Variants in COL3A1 observed in about 807,000 individuals in gnomAD.
COL3A1 encodes collagen type III alpha 1 chain.
In COL3A1, 46 loss-of-function variants were observed where a neutral mutation model predicts 200.9. The observed-to-expected ratio is 0.23, with a 90% CI of 0.18 to 0.29. The LOEUF (loss-of-function observed/expected upper bound fraction) is 0.29, where lower values mean the gene tolerates loss of function less well. COL3A1 is among the 10% of genes least tolerant of loss of function. COL3A1 has a pLI of 1.00. For missense variants in COL3A1, 1,367 were observed against 1,917.6 expected, an observed-to-expected ratio of 0.71 and a Z score of 5.36; for synonymous variants, 650 against 628.0, an observed-to-expected ratio of 1.03 and a Z score of -0.52.
rs778497667 is a variant in COL3A1 at position 188,991,700 on chromosome 2, G to A, written c.929G>A (p.Arg310Gln). 18 of 1,613,764 alleles carry A rather than the reference G, an allele frequency of 1.1e-5. No individual in the cohort carries two copies. The highest frequency in any genetic ancestry group is 5.3e-5 in the African/African-American group (4 of 74,858). Residue 310 changes from arginine to glutamine, a missense_variant, in exon 13 of 51, where the codon CGG becomes CAG. By Grantham distance (43) the Arg-to-Gln change is conservative (BLOSUM62 1). Coordinates refer to ENST00000304636, the MANE Select transcript of COL3A1 (RefSeq NM_000090.4). Reference sequence around the variant, plus strand: ...AGAGGGGCTCCTGGTGAGCGAGGACGGCCAGGACTTCCTGGGGCTGCAGTG... The same window carrying A: ...AGAGGGGCTCCTGGTGAGCGAGGACAGCCAGGACTTCCTGGGGCTGCAGTG... Reference protein sequence around the residue: ...GPRGAPGERGRPGLPGAAGAR... With the variant: ...GPRGAPGERGQPGLPGAAGAR...
intron 1 of COL3A1, among the ~76,000 whole-genome samples, chr2:188,984,312 A>G (rs1472916376): frequency 6.6e-6 from 1 of 151,958 alleles, no homozygotes. Context: ...GAATTTCTCA[A>G]CTAGGTTGAT....
At position 188,999,581 on chromosome 2, in the gene COL3A1, T is replaced by C. The variant is rs765523758; in HGVS notation, c.2229+4T>C. 9 of 1,612,014 alleles carry C rather than the reference T, an allele frequency of 5.6e-6. No homozygotes were observed. The South Asian group carries it at 9.9e-5, about 18-fold the overall frequency. ...TCCTGGTCCAAAGGGTGACAAGGTG[T>C]TGACTTGTTTTCTCTTAATTGTTCA... On this transcript the variant is annotated splice_donor_region_variant and intron_variant, in intron 31 of 50. Transcript: ENST00000304636.
In COL3A1 at chr2:188,999,494, C is replaced by G; in HGVS notation, c.2146C>G (p.Pro716Ala). The change falls in exon 31 of 51, where the codon CCT becomes GCT. Residue 716 changes from proline to alanine, a missense_variant. Pro to Ala is a conservative substitution (Grantham distance 27). Coordinates refer to ENST00000304636, the MANE Select transcript of COL3A1 (RefSeq NM_000090.4). Reference protein sequence around the residue: ...GKGAAGPPGPPGAAGTPGLQG... With the variant: ...GKGAAGPPGPAGAAGTPGLQG... Reference sequence around the variant, plus strand: ...GGGTGCTGCTGGTCCTCCTGGGCCACCTGGTGCTGCTGGTACTCCTGGTCT... The same window carrying G: ...GGGTGCTGCTGGTCCTCCTGGGCCAGCTGGTGCTGCTGGTACTCCTGGTCT... 6.2e-7 allele frequency: 1 copy of G among 1,614,100 alleles called. No individual in the cohort carries two copies. The highest frequency in any genetic ancestry group is 8.5e-7 in the Non-Finnish European group (1 of 1,180,030).
rs1385895806 is a variant in COL3A1, at chr2:188,993,374, C to T, written c.1064C>T (p.Pro355Leu). ...TTTTACCATTAGGGTGAAGTTGGAC[C>T]TGCAGGGTCTCCTGGTTCAAATGGT... ...GSPGAKGEVG[P>L]AGSPGSNGAP... Residue 355 changes from proline (P) to leucine (L), a missense_variant, in exon 16 of 51, where the codon CCT becomes CTT. Around this residue, in one of 5 missense-constraint regions of COL3A1, gnomAD observed 462 missense variants for 681.4 expected, o/e 0.68. Transcript: ENST00000304636. The T allele has an allele frequency of 1.1e-5, 18 of 1,569,922 alleles. No homozygotes were observed. Among genetic ancestry groups the T allele is most frequent in the Non-Finnish European group, 1.3e-5 (15 of 1,156,252 alleles).
rs1688346156 is a variant in COL3A1 at position 188,997,152 on chromosome 2, ACTT to A, written c.1762-6_1762-4del. The A allele has an allele frequency of 1.2e-6, 2 of 1,613,090 alleles. No individual in the cohort carries two copies. Among genetic ancestry groups the A allele is most frequent in the East Asian group, 2.2e-5 (1 of 44,814 alleles). ...CTTTGAGGATTAGTAAATACCGACC[ACTT>A]CTTCTTTAGGGTGCTCCTGGTAAGA... is the stretch of plus-strand genomic sequence containing the variant. On this transcript the variant is annotated splice_polypyrimidine_tract_variant and intron_variant, in intron 24 of 50. Coordinates refer to ENST00000304636, the MANE Select transcript of COL3A1 (RefSeq NM_000090.4).
chr2:188,997,731 C>T lies in COL3A1; in HGVS notation c.1901C>T (p.Pro634Leu). The T allele has an allele frequency of 6.2e-7, 1 of 1,613,898 alleles. No homozygotes were observed. The highest frequency in any genetic ancestry group is 8.5e-7 in the Non-Finnish European group (1 of 1,179,888). The change falls in exon 27 of 51, where the codon CCC becomes CTC. Residue 634 changes from proline (P) to leucine (L), a missense_variant. By Grantham distance (98) the Pro-to-Leu change is moderately conservative. Transcript: ENST00000304636. ...GPGGDKGDTG[P>L]PGPQGLQGLP... ...GGTGGTGACAAAGGAGACACAGGAC[C>T]CCCTGGTCCACAAGGATTACAAGTA...
Position 189,011,745 on chromosome 2 carries a change from G to A in COL3A1, c.4372G>A (p.Val1458Met), listed in dbSNP as rs751427069. ...TGGTGGTCCTGATCAAGAATTTGGTGTGGACGTTGGCCCTGTTTGCTTTTT... is the reference window on the plus strand; with the variant it reads ...TGGTGGTCCTGATCAAGAATTTGGTATGGACGTTGGCCCTGTTTGCTTTTT... ...DIGGPDQEFG[V>M]DVGPVCFL is the part of the protein sequence containing the mutation. Residue 1458 changes from valine to methionine, a missense_variant, in exon 51 of 51, where the codon GTG becomes ATG. This residue lies in a region of COL3A1 where 846 missense variants were observed against 1,147.9 expected (regional missense o/e 0.74). Transcript: ENST00000304636. 4 of 1,613,964 alleles carry A rather than the reference G, an allele frequency of 2.5e-6. No individual in the cohort carries two copies. The Admixed American group carries it at 5.0e-5, about 20-fold the overall frequency.
intron 1 of COL3A1, chr2:188,978,079 T>C: frequency 2.4e-6 from 1 of 414,986 alleles, no homozygotes; most frequent in Non-Finnish European, 4.8e-6. Context: ...AATTTGGATT[T>C]TCAAAACTAC....
At chr2:188,992,305 A>G in intron 14 of COL3A1, 77 bp downstream of exon 14, 2 of 1,238,832 alleles carry the variant, frequency 1.6e-6, no homozygotes, top group Non-Finnish European at 2.4e-6. Flanking sequence ...TATTTTATAT[A>G]TGTATATACT....
At chr2:189,001,328 TTC>T (rs1191901466) in intron 32 of COL3A1, 67 bp from the exon 33 acceptor site, 45 of 1,455,220 alleles carry the variant, frequency 3.1e-5, no homozygotes, top group Admixed American at 5.1e-5. Context: ...TCTATATACT[TTC>T]TGTTTGATTA....
intron 7 of COL3A1, 27 bp downstream of exon 7, chr2:188,988,670 G>A (rs768871160): frequency 1.3e-5 from 20 of 1,522,240 alleles, no homozygotes; most frequent in Non-Finnish European, 1.7e-5. Flanking sequence ...TTTATATTTA[G>A]TAAGTCGATA....
chr2:188,978,581 T>C (rs1008163590), intron 1 of COL3A1, among the ~76,000 whole-genome samples: 13 of 152,066 alleles, frequency 8.5e-5, no homozygotes, highest in Middle Eastern at 3.4e-3. Flanking sequence ...GTGATTAAAG[T>C]AGATTGCTTA....
chr2:189,010,467 T>C, intron 49 of COL3A1, 102 bp downstream of exon 49: 1 of 1,512,064 alleles, frequency 6.6e-7, no homozygotes. Flanking sequence ...GGTACAAACA[T>C]AATTGCAGTT....
Position 188,988,637 on chromosome 2 carries a change from T to C in COL3A1, c.630T>C (p.Gly210=), listed in dbSNP as rs1414233939. The C allele has an allele frequency of 3.1e-6, 5 of 1,604,260 alleles. No individual in the cohort carries two copies. The East Asian group carries it at 1.1e-4, about 36-fold the overall frequency. ...CCCCTGGTGAACCTGGGCAAGCTGG[T>C]CCTTCAGTAAGTAACAATTAAATTT... ...QGPPGEPGQA[G]PSGPPGPPGA... The change falls in exon 7 of 51, where the codon GGT becomes GGC. Residue 210 remains glycine, a synonymous_variant. Coordinates refer to ENST00000304636, the MANE Select transcript of COL3A1 (RefSeq NM_000090.4).
chr2:188,976,086 C>T, intron 1 of COL3A1, among the ~76,000 whole-genome samples: 1 of 151,984 alleles, frequency 6.6e-6, no homozygotes, highest in East Asian at 1.9e-4. Context: ...TCCTCCCTAT[C>T]CTGCTCTTCC....
intron 1 of COL3A1, among the ~76,000 whole-genome samples, chr2:188,979,015 T>G (rs1687891894): frequency 6.6e-6 from 1 of 151,780 alleles, no homozygotes; most frequent in Non-Finnish European, 1.5e-5. Flanking sequence ...ATGACTGAGG[T>G]CAAGCACTGC....
chr2:188,982,830 A>G (rs1172982156), intron 1 of COL3A1, among the ~76,000 whole-genome samples: 3 of 151,886 alleles, frequency 2.0e-5, no homozygotes, highest in African/African-American at 7.2e-5. Flanking sequence ...ACAGTGTTCC[A>G]TGTAATTTTA....
rs1336356273 is a variant in COL3A1, at chr2:188,985,738, G to A, written c.407G>A (p.Gly136Asp). The A allele has an allele frequency of 6.2e-7, 1 of 1,611,510 alleles. No individual in the cohort carries two copies. The highest frequency in any genetic ancestry group is 1.1e-5 in the South Asian group (1 of 90,976). ...PGQPGSPGSP[G>D]PPGICESCPT... ...CAACCAGGGTCCCCTGGTTCTCCTG[G>A]CCCCCCTGGAATCTGTGAATCATGC... Residue 136 changes from glycine (G) to aspartate (D), a missense_variant, in exon 4 of 51, where the codon GGC becomes GAC. Coordinates refer to ENST00000304636, the MANE Select transcript of COL3A1 (RefSeq NM_000090.4).
At position 189,010,337 on chromosome 2, in the gene COL3A1, T is replaced by A; in HGVS notation, c.3983T>A (p.Phe1328Tyr). 6.2e-7 allele frequency: 1 copy of A among 1,614,162 alleles called. No homozygotes were observed. Among genetic ancestry groups the A allele is most frequent in the Non-Finnish European group, 8.5e-7 (1 of 1,179,994 alleles). Residue 1328 changes from phenylalanine (F) to tyrosine (Y), a missense_variant, in exon 49 of 51, where the codon TTT becomes TAT. Physicochemically the swap from Phe to Tyr is conservative, Grantham distance 22. Transcript: ENST00000304636. ...AGTGCTGAGAAGAAACACGTTTGGT[T>A]TGGAGAGTCCATGGATGGTGGTTTT... is the stretch of plus-strand genomic sequence containing the variant. ...DSSAEKKHVWFGESMDGGFQF... is the reference protein window; with the variant it reads ...DSSAEKKHVWYGESMDGGFQF...
Sources: gnomAD v4.1 joint callset for allele counts (sites outside exome capture counted in the v4.1 genomes callset) on GRCh38, gnomAD v4.1.1 for gene constraint, gnomAD v4.1.1 regional missense constraint, MANE v1.5 for transcripts, NCBI Gene and HGNC (gene_info 2026-07-23, HGNC 2026-07-21) for gene names.